Variants in FAM13A observed in about 807,000 individuals in gnomAD.
The protein encoded by FAM13A is family with sequence similarity 13 member A.
A neutral mutation model predicts 129.6 loss-of-function variants in FAM13A; 76 were observed. The observed-to-expected ratio is 0.59, with a 90% CI of 0.49 to 0.71. The LOEUF (loss-of-function observed/expected upper bound fraction) is 0.71, where lower values mean the gene tolerates loss of function less well. FAM13A is among the 30% of genes least tolerant of loss of function. The pLI is 0.00. For missense variants in FAM13A, 1,108 were observed against 1,249.3 expected, an observed-to-expected ratio of 0.89 and a Z score of 1.70; for synonymous variants, 443 against 449.9, an observed-to-expected ratio of 0.98 and a Z score of 0.20.
At chr4:88,740,140 G>A (rs1739922989) in intron 19 of FAM13A, among the ~76,000 whole-genome samples, 2 of 152,106 alleles carry the variant, frequency 1.3e-5, no homozygotes, top group Admixed American at 1.3e-4. Context: ...ACCCTGCCAT[G>A]GCTTCCTCTT....
At chr4:88,780,330 T>G (rs1226688428) in intron 11 of FAM13A, among the ~76,000 whole-genome samples, 1 of 152,174 alleles carries the variant, frequency 6.6e-6, no homozygotes, top group East Asian at 1.9e-4. Context: ...AGCATGGAGC[T>G]AAAAACTGGT....
chr4:88,807,628 G>C lies in FAM13A; in HGVS notation c.1008-2576C>G, dbSNP rs909623944. Reference sequence around the variant, plus strand: ...AGAAAATGCATTCGATGGCCAGTCTGCATTCCAGCAGCCACAACAAGATCT... The same window carrying C: ...AGAAAATGCATTCGATGGCCAGTCTCCATTCCAGCAGCCACAACAAGATCT... On this transcript the variant is annotated intron_variant, in intron 7 of 23. Coordinates refer to ENST00000264344, the MANE Select transcript of FAM13A (RefSeq NM_014883.4). 4.6e-5 allele frequency among the ~76,000 whole-genome samples: 7 copies of C among 152,244 alleles called. No individual in the cohort carries two copies. The East Asian group carries it at 1.4e-3, about 29-fold the overall frequency.
At chr4:88,897,008 G>A (rs1400029109) in intron 6 of FAM13A, among the ~76,000 whole-genome samples, 1 of 152,138 alleles carries the variant, frequency 6.6e-6, no homozygotes, top group Admixed American at 6.6e-5. Context: ...TACCCCAAGG[G>A]AAAAGAGAAG....
At chr4:88,965,207 G>C (rs1903004) in intron 4 of FAM13A, among the ~76,000 whole-genome samples, 33,994 of 152,150 alleles carry the variant, frequency 0.22, 4,274 homozygotes, top group Middle Eastern at 0.38. Flanking sequence ...GGAAGAAACA[G>C]TGCCTTTCAC....
rs558548680 is a variant in FAM13A, at chr4:88,962,998, C to A, written c.606-24757G>T. On this transcript the variant is annotated intron_variant, in intron 4 of 23. Transcript: ENST00000264344. ...CATTTTAATTTCTGTGTAGAGATTT[C>A]TAAAAGGATGTTCAGAAAAATATCA... Among the ~76,000 whole-genome samples the A allele has an allele frequency of 4.6e-5, 7 of 152,196 alleles. No individual in the cohort carries two copies. In the South Asian group the frequency reaches 1.2e-3, roughly 27 times the overall value.
intron 21 of FAM13A, among the ~76,000 whole-genome samples, chr4:88,733,937 T>C (rs1560836517): frequency 6.6e-6 from 1 of 152,230 alleles, no homozygotes; most frequent in East Asian, 1.9e-4. Context: ...GCCTTGCACA[T>C]AGTGAGCACT....
At chr4:88,769,294 A>G (rs1720128606) in intron 11 of FAM13A, among the ~76,000 whole-genome samples, 1 of 152,158 alleles carries the variant, frequency 6.6e-6, no homozygotes, top group Non-Finnish European at 1.5e-5. Context: ...GGTTTTGCCA[A>G]TTTGCCTGGA....
At chr4:88,757,220 A>C (rs1055939952) in intron 14 of FAM13A, among the ~76,000 whole-genome samples, 3 of 152,188 alleles carry the variant, frequency 2.0e-5, no homozygotes, top group African/African-American at 7.2e-5. Context: ...AGTGGCTGAG[A>C]GAGATGATAA....
chr4:88,777,536 T>C (rs1004588084), intron 11 of FAM13A, among the ~76,000 whole-genome samples: 2 of 152,172 alleles, frequency 1.3e-5, no homozygotes, highest in African/African-American at 4.8e-5. Flanking sequence ...GACTGGTACC[T>C]CACTGCCCCT....
intron 5 of FAM13A, among the ~76,000 whole-genome samples, chr4:88,921,707 CT>C (rs1561342450): frequency 6.6e-6 from 1 of 152,130 alleles, no homozygotes; most frequent in Non-Finnish European, 1.5e-5. Context: ...ACAATATTAA[CT>C]TTAAATGTAA....
intron 11 of FAM13A, among the ~76,000 whole-genome samples, chr4:88,773,331 G>A (rs754762293): frequency 4.6e-5 from 7 of 152,198 alleles, no homozygotes; most frequent in African/African-American, 1.4e-4. Context: ...TTCCATACTG[G>A]TAGTATCCAA....
intron 6 of FAM13A, among the ~76,000 whole-genome samples, chr4:88,879,125 G>T (rs1173279002): frequency 6.6e-6 from 1 of 152,188 alleles, no homozygotes; most frequent in Non-Finnish European, 1.5e-5. Flanking sequence ...AATAGCTGCT[G>T]TCATGATGGA....
intron 7 of FAM13A, among the ~76,000 whole-genome samples, chr4:88,819,525 A>G (rs560500478): frequency 5.9e-5 from 9 of 152,162 alleles, no homozygotes; most frequent in Non-Finnish European, 1.0e-4. Context: ...CATCCCCACA[A>G]TACCTAAGGG....
chr4:89,012,304 C>T (rs1765839847), intron 3 of FAM13A, among the ~76,000 whole-genome samples: 1 of 152,120 alleles, frequency 6.6e-6, no homozygotes, highest in African/African-American at 2.4e-5. Context: ...GATAATCATA[C>T]TATAAACCTT....
rs528442924 is a variant in FAM13A at position 89,024,704 on chromosome 4, C to T, written c.218-4035G>A. 2.3e-4 allele frequency among the ~76,000 whole-genome samples: 35 copies of T among 152,212 alleles called. No individual in the cohort carries two copies. The East Asian group carries it at 6.6e-3, about 29-fold the overall frequency. On this transcript the variant is annotated intron_variant, in intron 2 of 23. Coordinates refer to ENST00000264344, the MANE Select transcript of FAM13A (RefSeq NM_014883.4). ...AAATAAAACAAATTGAAGTATTATG[C>T]CCTCAAACTTTATACTACCCTTCAA...
intron 1 of FAM13A, among the ~76,000 whole-genome samples, chr4:89,030,560 C>A (rs961943160): frequency 1.3e-5 from 2 of 152,006 alleles, no homozygotes; most frequent in Non-Finnish European, 2.9e-5. Context: ...AGCAGCTTAC[C>A]AATGTGGAAA....
At chr4:88,917,913 T>C (rs1750364351) in intron 5 of FAM13A, among the ~76,000 whole-genome samples, 1 of 152,190 alleles carries the variant, frequency 6.6e-6, no homozygotes, top group Admixed American at 6.5e-5. Flanking sequence ...ACCCATTCAC[T>C]ATAATTTTGA....
At chr4:88,936,147 T>C (rs1753814697) in intron 5 of FAM13A, 2 of 152,208 alleles carry the variant, frequency 1.3e-5, no homozygotes, top group African/African-American at 4.8e-5. Context: ...CCACCAGCCT[T>C]AAACCTAGTC....
At chr4:89,015,038 A>T (rs1181962226) in intron 3 of FAM13A, among the ~76,000 whole-genome samples, 1 of 152,146 alleles carries the variant, frequency 6.6e-6, no homozygotes, top group African/African-American at 2.4e-5. Context: ...GTGGTCTCTA[A>T]AATGGCCGCT....
Sources: gnomAD v4.1 joint callset for allele counts (sites outside exome capture counted in the v4.1 genomes callset) on GRCh38, gnomAD v4.1.1 for gene constraint, MANE v1.5 for transcripts, NCBI Gene and HGNC (gene_info 2026-07-23, HGNC 2026-07-21) for gene names.